Variants in GRIA4 observed in about 807,000 individuals in gnomAD.
The protein encoded by GRIA4 is glutamate receptor 4.
GRIA4 carries 34 observed loss-of-function variants against 104.0 expected under a neutral mutation model. The observed-to-expected ratio is 0.33, with a 90% CI of 0.25 to 0.44. GRIA4 has a LOEUF of 0.44. Ranked by LOEUF, GRIA4 falls within the 20% of genes least tolerant of loss-of-function variation. The pLI, the probability that GRIA4 is intolerant of heterozygous loss-of-function variation, is 1.00. For missense variants in GRIA4, 750 were observed against 1,096.5 expected (o/e 0.68, Z 4.46); for synonymous variants, 386 against 381.9 (o/e 1.01, Z -0.13).
At chr11:105,890,184 T>G (rs1364554282) in intron 6 of GRIA4, among the ~76,000 whole-genome samples, 1 of 152,178 alleles carries the variant, frequency 6.6e-6, no homozygotes, top group African/African-American at 2.4e-5. Context: ...GGTCATGAAT[T>G]TACAGACATG....
At chr11:105,716,872 C>T (rs1954109404) in intron 3 of GRIA4, among the ~76,000 whole-genome samples, 1 of 151,858 alleles carries the variant, frequency 6.6e-6, no homozygotes, top group Non-Finnish European at 1.5e-5. Flanking sequence ...TTTAAATTAC[C>T]TCGATGCCTT....
intron 14 of GRIA4, among the ~76,000 whole-genome samples, chr11:105,959,438 T>C (rs1362765455): frequency 2.0e-5 from 3 of 152,196 alleles, no homozygotes; most frequent in Non-Finnish European, 4.4e-5. Context: ...TCATGCTGTG[T>C]TTTTCAGTTC....
At chr11:105,621,113 G>C (rs931743776) in intron 3 of GRIA4, among the ~76,000 whole-genome samples, 2 of 151,700 alleles carry the variant, frequency 1.3e-5, no homozygotes, top group African/African-American at 4.8e-5. Context: ...CTTTCAATAA[G>C]CCACTGTTTT....
At chr11:105,905,776 G>A (rs920955883) in intron 9 of GRIA4, among the ~76,000 whole-genome samples, 1 of 152,160 alleles carries the variant, frequency 6.6e-6, no homozygotes, top group Non-Finnish European at 1.5e-5. Flanking sequence ...GAAAGAAGAT[G>A]GATGGTAAGA....
Position 105,610,989 on chromosome 11 carries a change from G to A in GRIA4, c.-9G>A, listed in dbSNP as rs373211609. Reference sequence around the variant, plus strand: ...GAGAGAGCGCGCGCCAGGGAGAGGAGAAAAGAAGATGAGGATTATTTCCAG... The same window carrying A: ...GAGAGAGCGCGCGCCAGGGAGAGGAAAAAAGAAGATGAGGATTATTTCCAG... On this transcript the variant is annotated 5_prime_UTR_variant, in exon 2 of 17. Coordinates refer to ENST00000282499, the MANE Select transcript of GRIA4 (RefSeq NM_000829.4). 1.3e-6 allele frequency: 2 copies of A among 1,599,546 alleles called. No homozygotes were observed. The highest frequency in any genetic ancestry group is 2.7e-5 in the African/African-American group (2 of 74,122).
Position 105,843,203 on chromosome 11 carries a change from T to G in GRIA4, c.488-18821T>G, listed in dbSNP as rs1200235996. Among the ~76,000 whole-genome samples the G allele has an allele frequency of 4.6e-5, 7 of 152,220 alleles. No individual in the cohort carries two copies. In the South Asian group the frequency reaches 1.0e-3, roughly 23 times the overall value. On this transcript the variant is annotated intron_variant, in intron 4 of 16. Transcript: ENST00000282499. ...ATCCTTTGTGTTCACATCAGGAGTT[T>G]GATTAAATTGTCACTATGATTCCTC...
intron 11 of GRIA4, among the ~76,000 whole-genome samples, chr11:105,920,696 T>C (rs1052788238): frequency 6.6e-6 from 1 of 152,124 alleles, no homozygotes; most frequent in African/African-American, 2.4e-5. Context: ...TAACAAAAAG[T>C]CCCAAAGTTA....
At chr11:105,933,682 C>T in intron 13 of GRIA4, 40 bp from the exon 14 acceptor site, 6 of 1,429,146 alleles carry the variant, frequency 4.2e-6, no homozygotes, top group Non-Finnish European at 5.7e-6. Context: ...CATGTTGTTC[C>T]CTTCTTTCCT....
intron 3 of GRIA4, among the ~76,000 whole-genome samples, chr11:105,631,666 T>C (rs1951038806): frequency 6.6e-6 from 1 of 152,198 alleles, no homozygotes; most frequent in Non-Finnish European, 1.5e-5. Context: ...CTGTCTTGCT[T>C]TCTTTGCTGT....
At chr11:105,890,498 G>A (rs1946416704) in intron 6 of GRIA4, among the ~76,000 whole-genome samples, 1 of 152,190 alleles carries the variant, frequency 6.6e-6, no homozygotes, top group South Asian at 2.1e-4. Context: ...TTAACTACAA[G>A]TTGAACTTTT....
At chr11:105,779,371 A>G (rs1044761190) in intron 4 of GRIA4, among the ~76,000 whole-genome samples, 2 of 152,112 alleles carry the variant, frequency 1.3e-5, no homozygotes, top group Non-Finnish European at 2.9e-5. Context: ...TGCCCAAGGT[A>G]ATTTATAGAT....
chr11:105,870,525 C>T (rs1019052413), intron 5 of GRIA4, among the ~76,000 whole-genome samples: 5 of 148,360 alleles, frequency 3.4e-5, no homozygotes, highest in South Asian at 4.3e-4. Flanking sequence ...AATCAAATAA[C>T]GCAGCACAAT....
intron 4 of GRIA4, among the ~76,000 whole-genome samples, chr11:105,756,473 A>G (rs189169186): frequency 1.0e-3 from 154 of 152,268 alleles, no homozygotes; most frequent in African/African-American, 3.0e-3. Flanking sequence ...ATTTTTTCTT[A>G]TTAAAAGCAA....
intron 4 of GRIA4, among the ~76,000 whole-genome samples, chr11:105,837,923 C>T (rs1023824772): frequency 6.6e-6 from 1 of 152,122 alleles, no homozygotes; most frequent in Non-Finnish European, 1.5e-5. Context: ...CTTTCCAATA[C>T]ACTCCTAATG....
chr11:105,847,059 G>C, intron 4 of GRIA4, among the ~76,000 whole-genome samples: 1 of 152,016 alleles, frequency 6.6e-6, no homozygotes, highest in Non-Finnish European at 1.5e-5. Flanking sequence ...TTCCACCTCA[G>C]ATCATCAGGA....
chr11:105,803,446 G>A (rs1214838107), intron 4 of GRIA4, among the ~76,000 whole-genome samples: 2 of 152,000 alleles, frequency 1.3e-5, no homozygotes, highest in African/African-American at 4.8e-5. Flanking sequence ...TTATATAGAT[G>A]AGAGTCTCAC....
At chr11:105,690,680 TAAAAAGATATGTG>T (rs1407359219) in intron 3 of GRIA4, among the ~76,000 whole-genome samples, 1 of 152,208 alleles carries the variant, frequency 6.6e-6, no homozygotes, top group Non-Finnish European at 1.5e-5. Context: ...ATATCTGAAA[TAAAAAGATATGTG>T]CATGCTCTCA....
chr11:105,912,477 CA>C (rs550991472), intron 10 of GRIA4: 30,611 of 712,154 alleles, frequency 0.043, 2 homozygotes, highest in Middle Eastern at 0.052. Flanking sequence ...AGCATGCTAT[CA>C]AAAAAAAAAA....
chr11:105,782,797 G>C (rs951749653), intron 4 of GRIA4, among the ~76,000 whole-genome samples: 2 of 152,194 alleles, frequency 1.3e-5, no homozygotes, highest in African/African-American at 4.8e-5. Flanking sequence ...GAAGAGCAAT[G>C]CTAGTATGCT....
Sources: gnomAD v4.1 joint callset for allele counts (sites outside exome capture counted in the v4.1 genomes callset) on GRCh38, gnomAD v4.1.1 for gene constraint, MANE v1.5 for transcripts, NCBI Gene and HGNC (gene_info 2026-07-23, HGNC 2026-07-21) for gene names.